Variants in ASTN2 observed in about 807,000 individuals in gnomAD.
ASTN2 encodes astrotactin 2.
In ASTN2, 54 loss-of-function variants were observed where a neutral mutation model predicts 139.8. The observed-to-expected ratio is 0.39, with a 90% CI of 0.31 to 0.48. The LOEUF (loss-of-function observed/expected upper bound fraction) is 0.48, where lower values mean the gene tolerates loss of function less well. ASTN2 is among the 20% of genes least tolerant of loss of function. ASTN2 has a pLI of 0.95. For synonymous variants in ASTN2, 756 were observed against 719.5 expected (o/e 1.05, Z -0.81); for missense variants, 1,565 against 1,725.1 (o/e 0.91, Z 1.64).
At chr9:116,559,112 C>T (rs1315910859) in intron 19 of ASTN2, among the ~76,000 whole-genome samples, 1 of 152,162 alleles carries the variant, frequency 6.6e-6, no homozygotes, top group Non-Finnish European at 1.5e-5. Flanking sequence ...GAACTTGCCT[C>T]CTGGTGAAGC....
intron 1 of ASTN2, among the ~76,000 whole-genome samples, chr9:117,408,746 A>ACCTTGACCAAATCTAAG: frequency 6.6e-6 from 1 of 152,296 alleles, no homozygotes. Flanking sequence ...AATCTGGTCC[A>ACCTTGACCAAATCTAAG]CCTTGACCAA....
At chr9:116,593,406 T>C (rs1388166035) in intron 19 of ASTN2, among the ~76,000 whole-genome samples, 1 of 152,242 alleles carries the variant, frequency 6.6e-6, no homozygotes, top group Non-Finnish European at 1.5e-5. Flanking sequence ...AGAATGCTAA[T>C]GCCATTCTCC....
At chr9:116,819,254 C>T (rs1831416353) in intron 12 of ASTN2, among the ~76,000 whole-genome samples, 1 of 152,132 alleles carries the variant, frequency 6.6e-6, no homozygotes, top group African/African-American at 2.4e-5. Flanking sequence ...ATAACAATGA[C>T]AAGAACATGG....
At chr9:117,248,677 G>C (rs1302245072) in intron 2 of ASTN2, among the ~76,000 whole-genome samples, 3 of 152,228 alleles carry the variant, frequency 2.0e-5, no homozygotes, top group Non-Finnish European at 4.4e-5. Flanking sequence ...CAGAAGCAAA[G>C]TCTGTAGTTT....
intron 19 of ASTN2, among the ~76,000 whole-genome samples, chr9:116,531,474 G>A (rs532651836): frequency 5.3e-5 from 8 of 152,040 alleles, no homozygotes; most frequent in African/African-American, 9.6e-5. Flanking sequence ...CCATTAACTC[G>A]TCATTTATAT....
At chr9:117,343,341 C>T (rs1379228346) in intron 1 of ASTN2, among the ~76,000 whole-genome samples, 1 of 152,200 alleles carries the variant, frequency 6.6e-6, no homozygotes, top group Non-Finnish European at 1.5e-5. Flanking sequence ...TTCACTTGTA[C>T]ATAGCTTACT....
intron 1 of ASTN2, among the ~76,000 whole-genome samples, chr9:117,369,210 T>C (rs915220212): frequency 6.6e-6 from 1 of 152,156 alleles, no homozygotes; most frequent in Non-Finnish European, 1.5e-5. Flanking sequence ...GTGATCCTGA[T>C]TGCTCTTGGA....
At chr9:116,831,319 A>G (rs1356673688) in intron 11 of ASTN2, among the ~76,000 whole-genome samples, 2 of 152,238 alleles carry the variant, frequency 1.3e-5, no homozygotes, top group African/African-American at 4.8e-5. Context: ...CAATGTATGC[A>G]TGAAAGAGAC....
intron 19 of ASTN2, among the ~76,000 whole-genome samples, chr9:116,564,759 T>C (rs1231117958): frequency 6.6e-6 from 1 of 151,802 alleles, no homozygotes; most frequent in African/African-American, 2.4e-5. Flanking sequence ...TAGTCATATA[T>C]AGATCTAGTT....
intron 17 of ASTN2, among the ~76,000 whole-genome samples, chr9:116,631,318 G>A (rs1329375670): frequency 6.6e-6 from 1 of 152,088 alleles, no homozygotes; most frequent in Admixed American, 6.5e-5. Context: ...CTCAACCTAA[G>A]TGTCCATAAA....
intron 3 of ASTN2, among the ~76,000 whole-genome samples, chr9:117,145,729 C>A (rs1169036553): frequency 6.6e-6 from 1 of 152,106 alleles, no homozygotes; most frequent in Non-Finnish European, 1.5e-5. Context: ...CTATAAATAG[C>A]CACTTCATTG....
At chr9:117,413,439 C>G (rs1464387949) in intron 1 of ASTN2, among the ~76,000 whole-genome samples, 5 of 152,222 alleles carry the variant, frequency 3.3e-5, no homozygotes, top group East Asian at 3.9e-4. Context: ...GGCCAGACTC[C>G]GACAACCAAT....
intron 6 of ASTN2, among the ~76,000 whole-genome samples, chr9:117,024,404 T>C (rs565243236): frequency 1.4e-5 from 2 of 142,588 alleles, no homozygotes; most frequent in Non-Finnish European, 3.0e-5. Flanking sequence ...TGTCTCAGAA[T>C]TGTTTTTTTT....
intron 4 of ASTN2, among the ~76,000 whole-genome samples, chr9:117,112,159 C>G (rs538316863): frequency 2.6e-5 from 4 of 151,840 alleles, no homozygotes; most frequent in Admixed American, 2.6e-4. Flanking sequence ...ACAAATATAC[C>G]ATGTTTGCAG....
rs925971907 is a variant in ASTN2 at position 117,381,283 on chromosome 9, G to T, written c.442+33214C>A. Among the ~76,000 whole-genome samples the T allele has an allele frequency of 2.0e-5, 3 of 152,288 alleles. No homozygotes were observed. The South Asian group carries it at 6.2e-4, about 32-fold the overall frequency. On this transcript the variant is annotated intron_variant, in intron 1 of 22. Transcript: ENST00000313400. ...GGGTTTCTTTGGAGGTCATGAAATG[G>T]TCTGGAAGTGGATAATGGTGATAGT...
chr9:117,136,022 T>C (rs1400429799), intron 4 of ASTN2, among the ~76,000 whole-genome samples: 1 of 152,186 alleles, frequency 6.6e-6, no homozygotes, highest in African/African-American at 2.4e-5. Context: ...CATTAAACAA[T>C]ATGCCCTTCA....
At chr9:116,981,168 A>G (rs137952777) in intron 7 of ASTN2, among the ~76,000 whole-genome samples, 32 of 152,306 alleles carry the variant, frequency 2.1e-4, no homozygotes, top group African/African-American at 7.0e-4. Context: ...CTGTTCCCCC[A>G]CTAAGCTGGG....
intron 11 of ASTN2, among the ~76,000 whole-genome samples, chr9:116,862,096 G>C (rs1024951697): frequency 6.7e-6 from 1 of 150,316 alleles, no homozygotes; most frequent in Non-Finnish European, 1.5e-5. Context: ...TAATCTTTGA[G>C]TCTCAGATAT....
At chr9:116,442,362 C>CGT (rs574086851) in intron 21 of ASTN2, 91 bp downstream of exon 21, 909 of 971,068 alleles carry the variant, frequency 9.4e-4, no homozygotes, top group Non-Finnish European at 1.4e-3. Context: ...TCAGGGTGTG[C>CGT]GTGTGTGTGT....
Sources: gnomAD v4.1 joint callset for allele counts (sites outside exome capture counted in the v4.1 genomes callset) on GRCh38, gnomAD v4.1.1 for gene constraint, MANE v1.5 for transcripts, NCBI Gene and HGNC (gene_info 2026-07-23, HGNC 2026-07-21) for gene names.